NEK7: variants seen among roughly 807,000 people sequenced by gnomAD.
The protein encoded by NEK7 is serine/threonine-protein kinase Nek7.
NEK7 carries 18 observed loss-of-function variants against 44.6 expected under a neutral mutation model. That is an observed-to-expected ratio of 0.40 (90% CI 0.28 to 0.60). The LOEUF (loss-of-function observed/expected upper bound fraction) is 0.60. Among genes scored for constraint, NEK7 ranks in the 20% least tolerant of loss-of-function variants. The probability of loss-of-function intolerance (pLI) is 0.38; values close to 1 mark genes in which losing one functional copy is unlikely to be tolerated. For synonymous variants in NEK7, 130 were observed against 121.1 expected, an observed-to-expected ratio of 1.07 and a Z score of -0.48; for missense variants, 256 against 366.5, an observed-to-expected ratio of 0.70 and a Z score of 2.46.
At chr1:198,290,301 A>G (rs1167303424) in intron 7 of NEK7, among the ~76,000 whole-genome samples, 1 of 152,224 alleles carries the variant, frequency 6.6e-6, no homozygotes, top group East Asian at 1.9e-4. Context: ...AAAAGAAGTC[A>G]CAACATTCTT....
intron 1 of NEK7, among the ~76,000 whole-genome samples, chr1:198,181,129 A>G (rs1664754837): frequency 6.6e-6 from 1 of 152,116 alleles, no homozygotes; most frequent in African/African-American, 2.4e-5. Flanking sequence ...ATCTTTAAAT[A>G]GTTCAGAAAA....
intron 1 of NEK7, among the ~76,000 whole-genome samples, chr1:198,187,935 G>A (rs1228726612): frequency 1.3e-5 from 2 of 152,184 alleles, no homozygotes; most frequent in African/African-American, 4.8e-5. Flanking sequence ...CGCTAGTAGA[G>A]GGGGATTGAT....
chr1:198,181,342 A>T (rs759834930), intron 1 of NEK7, among the ~76,000 whole-genome samples: 11 of 152,124 alleles, frequency 7.2e-5, no homozygotes, highest in Non-Finnish European at 1.0e-4. Context: ...ATCATGCATT[A>T]CTAGTGAGGC....
chr1:198,161,244 A>G (rs1664093762), intron 1 of NEK7, among the ~76,000 whole-genome samples: 1 of 152,150 alleles, frequency 6.6e-6, no homozygotes, highest in African/African-American at 2.4e-5. Context: ...GGTAGTGGGT[A>G]AGGGCTACTT....
chr1:198,245,784 G>T (rs1272723977), intron 2 of NEK7, among the ~76,000 whole-genome samples: 1 of 151,868 alleles, frequency 6.6e-6, no homozygotes. Context: ...GCCATTTTGT[G>T]CAGCTTAGAA....
chr1:198,296,207 CA>C (rs1185533141), intron 8 of NEK7, among the ~76,000 whole-genome samples: 4 of 152,166 alleles, frequency 2.6e-5, no homozygotes, highest in Non-Finnish European at 5.9e-5. Flanking sequence ...ATTGTCCTTC[CA>C]AAATCAAACT....
intron 1 of NEK7, among the ~76,000 whole-genome samples, chr1:198,190,929 T>C (rs1357296173): frequency 6.6e-6 from 1 of 152,142 alleles, no homozygotes; most frequent in Non-Finnish European, 1.5e-5. Context: ...TTTTATATAG[T>C]ACTTTGTTTA....
Position 198,297,235 on chromosome 1 carries a change from G to C in NEK7, c.793G>C (p.Glu265Gln). 6.2e-7 allele frequency: 1 copy of C among 1,612,990 alleles called. No homozygotes were observed. Among genetic ancestry groups the C allele is most frequent in the African/African-American group, 1.3e-5 (1 of 74,982 alleles). ...ACCTCTTCCTTCAGATCACTATTCA[G>C]AAGAAGTAAGTCATTTTCAGCCCAC... Reference protein sequence around the residue: ...YPPLPSDHYSEELRQLVNMCI... With the variant: ...YPPLPSDHYSQELRQLVNMCI... Residue 265 changes from glutamate (E) to glutamine (Q), a missense_variant, in exon 9 of 10, where the codon GAA becomes CAA. By Grantham distance (29) the Glu-to-Gln change is conservative (BLOSUM62 2). Around this residue, in one of 3 missense-constraint regions of NEK7, gnomAD observed 58 missense variants for 66.5 expected, o/e 0.87. Transcript: ENST00000367385.
intron 1 of NEK7, among the ~76,000 whole-genome samples, chr1:198,187,117 A>C (rs1664946073): frequency 6.6e-6 from 1 of 152,202 alleles, no homozygotes; most frequent in African/African-American, 2.4e-5. Context: ...TGTGGCATGA[A>C]TTCCACTGTC....
intron 5 of NEK7, among the ~76,000 whole-genome samples, chr1:198,274,862 A>G (rs1653966699): frequency 1.3e-5 from 2 of 151,654 alleles, no homozygotes; most frequent in Admixed American, 6.6e-5. Flanking sequence ...AGATGTGACT[A>G]TTTTCCCAAA....
chr1:198,267,507 G>A (rs546735489), intron 5 of NEK7, among the ~76,000 whole-genome samples: 41 of 151,904 alleles, frequency 2.7e-4, no homozygotes, highest in African/African-American at 9.7e-4. Flanking sequence ...GTAGTGGTGC[G>A]ATCTCAGCTC....
chr1:198,157,672 G>A (rs1011712630), intron 1 of NEK7, among the ~76,000 whole-genome samples: 9 of 152,234 alleles, frequency 5.9e-5, no homozygotes, highest in African/African-American at 2.2e-4. Context: ...TATCTCTCGC[G>A]GATTGGTGAA....
At position 198,252,548 on chromosome 1, in the gene NEK7, AT is replaced by A. The variant is rs1653070837; in HGVS notation, c.58-491del. 3.4e-5 allele frequency among the ~76,000 whole-genome samples: 2 copies of A among 59,528 alleles called. 1 individual carries two copies. The highest frequency in any genetic ancestry group is 5.2e-5 in the Non-Finnish European group (2 of 38,148). 39.1% of individuals were successfully genotyped at this position (59,528 alleles called of 152,430 possible). A position where few individuals can be genotyped will look rare whatever the true frequency, so the allele number is the denominator to read the frequency against. ...ACATACTATATATATATATATATATATATATATATATATATATATAAAAAGT... is the reference window on the plus strand; with the variant it reads ...ACATACTATATATATATATATATATAATATATATATATATATATAAAAAGT... On this transcript the variant is annotated intron_variant, in intron 2 of 9. Coordinates refer to ENST00000367385, the MANE Select transcript of NEK7 (RefSeq NM_133494.3).
At chr1:198,216,529 G>C (rs1303957403) in intron 1 of NEK7, among the ~76,000 whole-genome samples, 3 of 151,616 alleles carry the variant, frequency 2.0e-5, no homozygotes, top group African/African-American at 7.3e-5. Flanking sequence ...TTCTTAGAGA[G>C]ACAAGAACAA....
At chr1:198,158,243 G>T (rs1036562205) in intron 1 of NEK7, among the ~76,000 whole-genome samples, 4 of 152,124 alleles carry the variant, frequency 2.6e-5, no homozygotes, top group African/African-American at 9.7e-5. Context: ...CTGTCCTTGC[G>T]CAATTCTGGT....
At chr1:198,195,083 C>A (rs545333333) in intron 1 of NEK7, among the ~76,000 whole-genome samples, 2 of 152,098 alleles carry the variant, frequency 1.3e-5, no homozygotes, top group Non-Finnish European at 2.9e-5. Context: ...TGGAGAGTAG[C>A]TGGAAGAAAG....
At chr1:198,309,451 T>C (rs893233002) in intron 9 of NEK7, among the ~76,000 whole-genome samples, 1 of 152,070 alleles carries the variant, frequency 6.6e-6, no homozygotes, top group African/African-American at 2.4e-5. Context: ...TTTTCTTTTT[T>C]TTATTATTAT....
intron 1 of NEK7, among the ~76,000 whole-genome samples, chr1:198,178,309 T>C (rs1664663129): frequency 6.6e-6 from 1 of 152,074 alleles, no homozygotes; most frequent in Non-Finnish European, 1.5e-5. Context: ...CCTTCCCACT[T>C]AGACTTATAG....
Position 198,319,615 on chromosome 1 carries a change from T to G in NEK7, c.*93T>G. On this transcript the variant is annotated 3_prime_UTR_variant, in exon 10 of 10. Coordinates refer to ENST00000367385, the MANE Select transcript of NEK7 (RefSeq NM_133494.3). ...TTTATGTCTGGTGTTAAGATTAATATTTCAGAGCTAGTGTGCTTTGAATCC... is the reference window on the plus strand; with the variant it reads ...TTTATGTCTGGTGTTAAGATTAATAGTTCAGAGCTAGTGTGCTTTGAATCC... 1 of 1,372,034 alleles carries G rather than the reference T, an allele frequency of 7.3e-7. No individual in the cohort carries two copies. Among genetic ancestry groups the G allele is most frequent in the Non-Finnish European group, 9.5e-7 (1 of 1,052,840 alleles). 85.0% of individuals were successfully genotyped at this position (1,372,034 alleles called of 1,614,324 possible).
Sources: gnomAD v4.1 joint callset for allele counts (sites outside exome capture counted in the v4.1 genomes callset) on GRCh38, gnomAD v4.1.1 for gene constraint, gnomAD v4.1.1 regional missense constraint, MANE v1.5 for transcripts, NCBI Gene and HGNC (gene_info 2026-07-23, HGNC 2026-07-21) for gene names.